The following NCAM2 variants were observed in gnomAD, a reference collection of about 807,000 sequenced individuals.
NCAM2 encodes the protein neural cell adhesion molecule 2.
In NCAM2, 30 loss-of-function variants were observed where a neutral mutation model predicts 98.1. That is an observed-to-expected ratio of 0.31 (90% confidence interval 0.23 to 0.41). NCAM2 has a LOEUF of 0.41. Among genes scored for constraint, NCAM2 ranks in the 10% least tolerant of loss-of-function variants. The pLI, the probability that NCAM2 is intolerant of heterozygous loss-of-function variation, is 1.00. For missense variants in NCAM2, 867 were observed against 1,005.8 expected, an observed-to-expected ratio of 0.86 and a Z score of 1.87; for synonymous variants, 368 against 342.4, an observed-to-expected ratio of 1.07 and a Z score of -0.83.
chr21:21,531,499 T>C (rs1989692790), intron 16 of NCAM2, among the ~76,000 whole-genome samples: 1 of 150,546 alleles, frequency 6.6e-6, no homozygotes, highest in Non-Finnish European at 1.5e-5. Context: ...TGGGGAGTTT[T>C]ATGCAATGAG....
At chr21:21,332,677 C>T (rs1255768487) in intron 6 of NCAM2, among the ~76,000 whole-genome samples, 1 of 152,124 alleles carries the variant, frequency 6.6e-6, no homozygotes, top group African/African-American at 2.4e-5. Context: ...ATCTAACCTG[C>T]ACCTTCTGTC....
Position 21,227,650 on chromosome 21 carries a change from C to T in NCAM2, c.56-52928C>T, listed in dbSNP as rs116072627. On this transcript the variant is annotated intron_variant, in intron 1 of 17. Coordinates refer to ENST00000400546, the MANE Select transcript of NCAM2 (RefSeq NM_004540.5). ...GCAAAGATTATTTTGGAGAATAAAA[C>T]GAGGTGGTTTATTTCTCTAGCAGAT... Among the ~76,000 whole-genome samples, 428 of 151,738 alleles carry T rather than the reference C, an allele frequency of 2.8e-3. 4 individuals are homozygous for T. Among genetic ancestry groups the T allele is most frequent in the African/African-American group, 9.8e-3 (407 of 41,488 alleles).
chr21:21,404,859 G>C, intron 9 of NCAM2, among the ~76,000 whole-genome samples: 1 of 151,312 alleles, frequency 6.6e-6, no homozygotes, highest in South Asian at 2.1e-4. Context: ...AGAAGTGAAA[G>C]TAAAGTTGCT....
chr21:21,260,242 G>C (rs2071842570), intron 1 of NCAM2, among the ~76,000 whole-genome samples: 1 of 151,722 alleles, frequency 6.6e-6, no homozygotes, highest in Non-Finnish European at 1.5e-5. Context: ...TCCTGAGATA[G>C]AAGAAAAAGC....
intron 8 of NCAM2, among the ~76,000 whole-genome samples, chr21:21,341,361 C>A (rs995368147): frequency 6.6e-6 from 1 of 152,014 alleles, no homozygotes; most frequent in Non-Finnish European, 1.5e-5. Context: ...TAAATAAACT[C>A]ATCAGTTGGT....
At chr21:21,293,913 G>A (rs2073384047) in intron 5 of NCAM2, among the ~76,000 whole-genome samples, 1 of 151,182 alleles carries the variant, frequency 6.6e-6, no homozygotes, top group African/African-American at 2.4e-5. Flanking sequence ...AATTGGTTAA[G>A]TTTATAGGAA....
intron 1 of NCAM2, among the ~76,000 whole-genome samples, chr21:21,075,657 T>C (rs1568995591): frequency 6.6e-6 from 1 of 152,172 alleles, no homozygotes; most frequent in Non-Finnish European, 1.5e-5. Context: ...TGCAAAGAAT[T>C]TGTGGGTTTT....
intron 1 of NCAM2, among the ~76,000 whole-genome samples, chr21:21,005,678 A>G (rs925827804): frequency 6.6e-6 from 1 of 152,036 alleles, no homozygotes; most frequent in African/African-American, 2.4e-5. Context: ...AAAATCTCAG[A>G]AGTATGTAGG....
At chr21:21,052,642 C>G (rs1012565125) in intron 1 of NCAM2, among the ~76,000 whole-genome samples, 3 of 151,998 alleles carry the variant, frequency 2.0e-5, no homozygotes, top group African/African-American at 7.3e-5. Flanking sequence ...GAATTCTTTC[C>G]CCAGAAATAT....
chr21:21,385,572 T>A (rs960264801), intron 9 of NCAM2: 1 of 1,164,442 alleles, frequency 8.6e-7, no homozygotes, highest in East Asian at 5.9e-5. Flanking sequence ...AAATTAAGCC[T>A]TTTTTTGCTC....
chr21:21,032,747 A>G (rs1217651938), intron 1 of NCAM2, among the ~76,000 whole-genome samples: 2 of 152,194 alleles, frequency 1.3e-5, no homozygotes, highest in Non-Finnish European at 1.5e-5. Context: ...CAGAAACATA[A>G]TAATTATCTT....
intron 1 of NCAM2, among the ~76,000 whole-genome samples, chr21:21,195,948 T>C (rs1229283650): frequency 6.6e-6 from 1 of 152,214 alleles, no homozygotes; most frequent in Non-Finnish European, 1.5e-5. Flanking sequence ...TAGTTTAAAA[T>C]TGTGACAGAG....
chr21:21,065,234 T>C (rs1381239333), intron 1 of NCAM2, among the ~76,000 whole-genome samples: 1 of 151,912 alleles, frequency 6.6e-6, no homozygotes, highest in African/African-American at 2.4e-5. Flanking sequence ...AAAAACTTAC[T>C]TCCAAATAAG....
intron 1 of NCAM2, among the ~76,000 whole-genome samples, chr21:21,251,838 A>G (rs1482797754): frequency 6.7e-6 from 1 of 149,710 alleles, no homozygotes; most frequent in African/African-American, 2.5e-5. Context: ...ATGTTCTCCC[A>G]TTCTGTAGGT....
At chr21:21,045,341 TC>T (rs2064987753) in intron 1 of NCAM2, among the ~76,000 whole-genome samples, 1 of 152,122 alleles carries the variant, frequency 6.6e-6, no homozygotes, top group Non-Finnish European at 1.5e-5. Flanking sequence ...AATTCCTGCC[TC>T]AGAATAGATA....
At chr21:21,483,575 A>C (rs2146285738) in intron 15 of NCAM2, among the ~76,000 whole-genome samples, 1 of 152,114 alleles carries the variant, frequency 6.6e-6, no homozygotes, top group African/African-American at 2.4e-5. Flanking sequence ...CATGGCAAAT[A>C]TGAAAATATT....
chr21:21,179,300 T>C (rs910452536), intron 1 of NCAM2, among the ~76,000 whole-genome samples: 1 of 152,140 alleles, frequency 6.6e-6, no homozygotes, highest in Non-Finnish European at 1.5e-5. Context: ...TATTTGCTGA[T>C]TGTATTATTA....
chr21:21,221,180 GT>G (rs1309561693), intron 1 of NCAM2, among the ~76,000 whole-genome samples: 2 of 152,082 alleles, frequency 1.3e-5, no homozygotes, highest in Non-Finnish European at 2.9e-5. Flanking sequence ...TGTTCCTACT[GT>G]TTCATTCATT....
At chr21:21,080,464 A>G (rs1343141212) in intron 1 of NCAM2, among the ~76,000 whole-genome samples, 2 of 151,844 alleles carry the variant, frequency 1.3e-5, no homozygotes, top group Non-Finnish European at 2.9e-5. Context: ...TAAAAATACA[A>G]AATTATTCAG....
Sources: gnomAD v4.1 joint callset for allele counts (sites outside exome capture counted in the v4.1 genomes callset) on GRCh38, gnomAD v4.1.1 for gene constraint, MANE v1.5 for transcripts, NCBI Gene and HGNC (gene_info 2026-07-23, HGNC 2026-07-21) for gene names.